OSBPL8: variants seen among roughly 807,000 people sequenced by gnomAD.
The protein encoded by OSBPL8 is oxysterol-binding protein-related protein 8.
OSBPL8 carries 59 observed loss-of-function variants against 125.5 expected under a neutral mutation model. The ratio of observed to expected loss-of-function variants is 0.47; its 90% confidence interval spans 0.38 to 0.58. OSBPL8 has a LOEUF of 0.58. Among genes scored for constraint, OSBPL8 ranks in the 20% least tolerant of loss-of-function variants. The pLI is 0.00. For synonymous variants in OSBPL8, 330 were observed against 338.9 expected (o/e 0.97, Z 0.29); for missense variants, 758 against 1,047.8 (o/e 0.72, Z 3.82).
At chr12:76,382,950 C>G (rs1285891884) in intron 15 of OSBPL8, among the ~76,000 whole-genome samples, 3 of 152,176 alleles carry the variant, frequency 2.0e-5, no homozygotes, top group African/African-American at 7.2e-5. Context: ...TGTGTTAAAT[C>G]TGCATATGTT....
At chr12:76,511,746 A>G (rs751906328) in intron 1 of OSBPL8, among the ~76,000 whole-genome samples, 5 of 151,984 alleles carry the variant, frequency 3.3e-5, no homozygotes, top group Admixed American at 1.3e-4. Flanking sequence ...CCACTTGTCA[A>G]TTTTTGCTTT....
chr12:76,429,902 T>C (rs899436312), intron 4 of OSBPL8, among the ~76,000 whole-genome samples: 5 of 149,396 alleles, frequency 3.3e-5, no homozygotes, highest in South Asian at 4.2e-4. Context: ...AAAAAAAAGA[T>C]GGTACCAGCT....
chr12:76,433,245 A>G (rs1212277970), intron 4 of OSBPL8, among the ~76,000 whole-genome samples: 1 of 152,164 alleles, frequency 6.6e-6, no homozygotes, highest in East Asian at 1.9e-4. Context: ...AGAAAGAAAA[A>G]GAAATAAAAG....
chr12:76,466,568 T>A (rs1389591034), intron 2 of OSBPL8, among the ~76,000 whole-genome samples: 1 of 152,218 alleles, frequency 6.6e-6, no homozygotes, highest in Non-Finnish European at 1.5e-5. Context: ...CCAGAATTTA[T>A]CAAATAAATT....
rs555357611 is a variant in OSBPL8, at chr12:76,431,047, A to G, written c.217+19804T>C. On this transcript the variant is annotated intron_variant, in intron 4 of 23. Coordinates refer to ENST00000261183, the MANE Select transcript of OSBPL8 (RefSeq NM_020841.5). ...ATAATTTAGAAGACAGAAGTAGAAT[A>G]ACTATAAAGACAAACTTATTGATAG... Among the ~76,000 whole-genome samples the G allele has an allele frequency of 5.3e-5, 8 of 152,324 alleles. No individual in the cohort carries two copies. In the East Asian group the frequency reaches 1.5e-3, roughly 29 times the overall value.
intron 2 of OSBPL8, among the ~76,000 whole-genome samples, chr12:76,460,664 C>T (rs1874611323): frequency 6.6e-6 from 1 of 152,082 alleles, no homozygotes; most frequent in Non-Finnish European, 1.5e-5. Context: ...CTAAAAGAAA[C>T]AGGAAAAAGT....
chr12:76,526,628 T>C (rs1488680710), intron 1 of OSBPL8, among the ~76,000 whole-genome samples: 1 of 142,354 alleles, frequency 7.0e-6, no homozygotes, highest in Non-Finnish European at 1.5e-5. Flanking sequence ...TTGCTATCAG[T>C]AAATCTCTTT....
At chr12:76,381,010 TG>T (rs1383593726) in intron 15 of OSBPL8, among the ~76,000 whole-genome samples, 4 of 152,208 alleles carry the variant, frequency 2.6e-5, no homozygotes, top group African/African-American at 9.6e-5. Flanking sequence ...TCTATTAATA[TG>T]GTAAATTACA....
intron 5 of OSBPL8, among the ~76,000 whole-genome samples, chr12:76,406,169 A>C (rs796670420): frequency 1.1e-4 from 17 of 152,314 alleles, no homozygotes; most frequent in African/African-American, 3.8e-4. Flanking sequence ...TGACCTTTAG[A>C]GATTTAAATA....
intron 4 of OSBPL8, among the ~76,000 whole-genome samples, chr12:76,447,416 C>T (rs553231698): frequency 2.6e-5 from 4 of 152,266 alleles, no homozygotes; most frequent in Middle Eastern, 3.4e-3. Context: ...TAGATATAAT[C>T]GAGCCTTTGC....
At position 76,421,539 on chromosome 12, in the gene OSBPL8, T is replaced by C. The variant is rs577983864; in HGVS notation, c.218-10905A>G. 1.2e-4 allele frequency among the ~76,000 whole-genome samples: 19 copies of C among 152,172 alleles called. 1 individual carries two copies. The South Asian group carries it at 2.9e-3, about 23-fold the overall frequency. ...TTTCACTATCTCAGAAGAACACATA[T>C]ACCACTTATCAACATGAATATTCAG... On this transcript the variant is annotated intron_variant, in intron 4 of 23. Transcript: ENST00000261183.
chr12:76,527,043 T>C (rs1950199746), intron 1 of OSBPL8, among the ~76,000 whole-genome samples: 1 of 152,096 alleles, frequency 6.6e-6, no homozygotes, highest in Non-Finnish European at 1.5e-5. Context: ...AGTAAAATTA[T>C]GAGGCTAAAA....
At chr12:76,444,761 T>C (rs1016337631) in intron 4 of OSBPL8, among the ~76,000 whole-genome samples, 1 of 152,134 alleles carries the variant, frequency 6.6e-6, no homozygotes, top group Non-Finnish European at 1.5e-5. Flanking sequence ...GCCTCACCCT[T>C]AGAGATTCTG....
At chr12:76,531,819 C>T (rs1323685086) in intron 1 of OSBPL8, among the ~76,000 whole-genome samples, 2 of 152,030 alleles carry the variant, frequency 1.3e-5, no homozygotes, top group Non-Finnish European at 2.9e-5. Flanking sequence ...AGGCAGATCA[C>T]GAGGTCAGGA....
intron 3 of OSBPL8, among the ~76,000 whole-genome samples, chr12:76,455,744 T>C (rs1462168404): frequency 6.6e-6 from 1 of 152,224 alleles, no homozygotes; most frequent in African/African-American, 2.4e-5. Flanking sequence ...ATTTCCTACA[T>C]CAGTTACATA....
rs781160635 is a variant in OSBPL8, at chr12:76,356,612, C to T, written c.2537+14G>A. On this transcript the variant is annotated intron_variant, in intron 23 of 23. Coordinates refer to ENST00000261183, the MANE Select transcript of OSBPL8 (RefSeq NM_020841.5). ...TTGGTCTCAAATGAATAGTCAGTGT[C>T]ATTATATTATTACCTTTTAATTTCT... The T allele has an allele frequency of 6.6e-7, 1 of 1,512,746 alleles. No homozygotes were observed. The allele number at this position is 1,512,746 out of a possible 1,614,324, so 93.7% of individuals were successfully genotyped here.
chr12:76,375,599 A>C (rs1179883116), intron 16 of OSBPL8, among the ~76,000 whole-genome samples: 1 of 152,140 alleles, frequency 6.6e-6, no homozygotes, highest in Non-Finnish European at 1.5e-5. Flanking sequence ...TCACCTACTC[A>C]GTAAAATATC....
At chr12:76,364,886 TC>T (rs1952357084) in intron 21 of OSBPL8, among the ~76,000 whole-genome samples, 1 of 152,182 alleles carries the variant, frequency 6.6e-6, no homozygotes, top group Non-Finnish European at 1.5e-5. Context: ...AAATCTGCTT[TC>T]CCATTTTTGC....
chr12:76,369,697 C>G lies in OSBPL8; in HGVS notation c.2180G>C (p.Trp727Ser). ...ATCAAGTTCAAATAATTTGCAAGAC[C>G]ACTCTTCATTTTTTGTTTTCCGATC... ...ARDRKTKNEE[W>S]SCKLFELDPL... Residue 727 changes from tryptophan to serine, a missense_variant, in exon 20 of 24, where the codon TGG (tryptophan) becomes TCG (serine). By Grantham distance (177) the Trp-to-Ser change is radical. Around this residue, in one of 3 missense-constraint regions of OSBPL8, gnomAD observed 572 missense variants for 762.0 expected, o/e 0.75. Transcript: ENST00000261183. 6.2e-7 allele frequency: 1 copy of G among 1,613,670 alleles called. No homozygotes were observed. The highest frequency in any genetic ancestry group is 8.5e-7 in the Non-Finnish European group (1 of 1,179,756).
Sources: gnomAD v4.1 joint callset for allele counts (sites outside exome capture counted in the v4.1 genomes callset) on GRCh38, gnomAD v4.1.1 for gene constraint, gnomAD v4.1.1 regional missense constraint, MANE v1.5 for transcripts, NCBI Gene and HGNC (gene_info 2026-07-23, HGNC 2026-07-21) for gene names.